Variants in CDH18 observed in about 807,000 individuals in gnomAD.
CDH18 encodes the protein cadherin-18.
In CDH18, 31 loss-of-function variants were observed where a neutral mutation model predicts 67.9. The ratio of observed to expected loss-of-function variants is 0.46; its 90% CI spans 0.34 to 0.62. CDH18 has a LOEUF of 0.62. Ranked by LOEUF, CDH18 falls within the 20% of genes least tolerant of loss-of-function variation. CDH18 has a pLI of 0.01. For missense variants in CDH18, 890 were observed against 975.5 expected, an observed-to-expected ratio of 0.91 and a Z score of 1.17; for synonymous variants, 362 against 347.2, an observed-to-expected ratio of 1.04 and a Z score of -0.48.
At chr5:19,752,104 T>C (rs755040674) in intron 3 of CDH18, among the ~76,000 whole-genome samples, 6 of 152,098 alleles carry the variant, frequency 3.9e-5, no homozygotes, top group Non-Finnish European at 1.5e-5. Context: ...GAGAATATTC[T>C]GATCTTACCT....
rs576273470 is a variant in CDH18, at chr5:19,471,944, C to T, written c.*1282G>A. ...ATTTTACAGATGCTCATTTAATCCTCACAACAACCCTGTGAGGTGGGCAGG... is the reference window on the plus strand; with the variant it reads ...ATTTTACAGATGCTCATTTAATCCTTACAACAACCCTGTGAGGTGGGCAGG... On this transcript the variant is annotated 3_prime_UTR_variant, in exon 13 of 13. Coordinates refer to ENST00000382275, the MANE Select transcript of CDH18 (RefSeq NM_004934.5). Among the ~76,000 whole-genome samples the T allele has an allele frequency of 1.2e-4, 19 of 152,282 alleles. 1 individual carries two copies. The South Asian group carries it at 3.7e-3, about 30-fold the overall frequency.
chr5:20,179,335 A>G (rs1386266315), intron 2 of CDH18, among the ~76,000 whole-genome samples: 1 of 152,160 alleles, frequency 6.6e-6, no homozygotes, highest in African/African-American at 2.4e-5. Flanking sequence ...CTTACCTGAC[A>G]TTAAGAATAC....
chr5:20,186,284 T>C (rs1335792635), intron 2 of CDH18, among the ~76,000 whole-genome samples: 1 of 151,554 alleles, frequency 6.6e-6, no homozygotes, highest in Non-Finnish European at 1.5e-5. Context: ...CAAGAAAAAA[T>C]AAAGAAGTTA....
At chr5:20,351,604 A>G (rs1741191663) in intron 1 of CDH18, among the ~76,000 whole-genome samples, 1 of 140,976 alleles carries the variant, frequency 7.1e-6, no homozygotes, top group Admixed American at 7.1e-5. Flanking sequence ...TTTTTTTTGG[A>G]CCAGCTGATG....
At chr5:19,784,383 A>C (rs2149791229) in intron 3 of CDH18, among the ~76,000 whole-genome samples, 1 of 152,320 alleles carries the variant, frequency 6.6e-6, no homozygotes, top group South Asian at 2.1e-4. Flanking sequence ...AGTTAACACT[A>C]TCTTTCCGAT....
intron 1 of CDH18, among the ~76,000 whole-genome samples, chr5:20,289,598 G>A (rs1377944031): frequency 6.6e-6 from 1 of 151,894 alleles, no homozygotes; most frequent in East Asian, 1.9e-4. Context: ...CTTTCTTAAT[G>A]AATCTCAGTT....
rs114335162 is a variant in CDH18, at chr5:19,648,735, G to A, written c.644-36134C>T. Among the ~76,000 whole-genome samples the A allele has an allele frequency of 6.3e-3, 959 of 151,652 alleles. 9 individuals are homozygous for A. Among genetic ancestry groups the A allele is most frequent in the African/African-American group, 0.022 (920 of 41,330 alleles). ...CAATGAATCAAAAAAGCTTAGCTTC[G>A]AACCAATATTATAATACTTTTATTT... On this transcript the variant is annotated intron_variant, in intron 5 of 12. Coordinates refer to ENST00000382275, the MANE Select transcript of CDH18 (RefSeq NM_004934.5).
intron 1 of CDH18, among the ~76,000 whole-genome samples, chr5:20,272,554 T>C (rs1051283436): frequency 2.6e-5 from 4 of 152,024 alleles, no homozygotes; most frequent in Admixed American, 2.6e-4. Flanking sequence ...GTTCCTGTTT[T>C]TTTTGGAGTG....
intron 2 of CDH18, among the ~76,000 whole-genome samples, chr5:20,203,459 T>A (rs537220952): frequency 6.6e-6 from 1 of 152,208 alleles, no homozygotes; most frequent in South Asian, 2.1e-4. Flanking sequence ...CCAATATATT[T>A]CCTTTGGGAC....
intron 2 of CDH18, among the ~76,000 whole-genome samples, chr5:20,097,557 T>A (rs144270451): frequency 9.4e-4 from 143 of 152,238 alleles, no homozygotes; most frequent in African/African-American, 3.3e-3. Context: ...CCAGGTAAGA[T>A]TTGGGTGGAG....
At chr5:20,467,066 A>G (rs1276547047) in intron 1 of CDH18, among the ~76,000 whole-genome samples, 1 of 151,210 alleles carries the variant, frequency 6.6e-6, no homozygotes, top group East Asian at 1.9e-4. Context: ...GTAGATCAAA[A>G]TAAATGAAAA....
intron 2 of CDH18, among the ~76,000 whole-genome samples, chr5:20,242,869 A>G (rs1743096513): frequency 6.6e-6 from 1 of 151,792 alleles, no homozygotes; most frequent in Admixed American, 6.6e-5. Flanking sequence ...AACTGAAACC[A>G]TTCTACTTTG....
intron 2 of CDH18, among the ~76,000 whole-genome samples, chr5:19,928,829 A>G (rs191402713): frequency 1.3e-5 from 2 of 152,186 alleles, no homozygotes; most frequent in East Asian, 1.9e-4. Context: ...AGCTCTTCAC[A>G]TATGTTATCT....
At chr5:20,443,161 G>A (rs952550603) in intron 1 of CDH18, among the ~76,000 whole-genome samples, 7 of 124,074 alleles carry the variant, frequency 5.6e-5, no homozygotes, top group African/African-American at 1.6e-4. Flanking sequence ...AGTGAGCCGA[G>A]ATCCCGCCAC....
chr5:20,340,920 G>A (rs1157977867), intron 1 of CDH18, among the ~76,000 whole-genome samples: 1 of 152,034 alleles, frequency 6.6e-6, no homozygotes, highest in Non-Finnish European at 1.5e-5. Flanking sequence ...TGCTTTGCTA[G>A]GTAGGGATCT....
intron 2 of CDH18, among the ~76,000 whole-genome samples, chr5:20,026,181 C>G (rs1458098328): frequency 6.6e-6 from 1 of 152,086 alleles, no homozygotes; most frequent in Non-Finnish European, 1.5e-5. Context: ...CATTGCCTTT[C>G]TGTTACAGGA....
In CDH18 at chr5:19,571,715, T is replaced by C; in HGVS notation, c.1117A>G (p.Ile373Val). The change falls in exon 8 of 13, where the codon ATT becomes GTT. Residue 373 changes from isoleucine (I) to valine (V), a missense_variant. This residue lies in a region of CDH18 where 656 missense variants were observed against 668.1 expected (regional missense o/e 0.98). Transcript: ENST00000382275. ...GGTGGTTCATCTACATCCCCAACAA[T>C]GATCTTCAGCATAGTAGCATCTTTA... ...PFKDATMLKI[I>V]VGDVDEPPLF... 1 of 1,613,920 alleles carries C rather than the reference T, an allele frequency of 6.2e-7. No homozygotes were observed. Among genetic ancestry groups the C allele is most frequent in the Non-Finnish European group, 8.5e-7 (1 of 1,179,930 alleles).
At chr5:19,517,839 T>G (rs1746275688) in intron 10 of CDH18, among the ~76,000 whole-genome samples, 1 of 152,038 alleles carries the variant, frequency 6.6e-6, no homozygotes, top group South Asian at 2.1e-4. Flanking sequence ...TTATTTATAT[T>G]TTCTTTTTCT....
At chr5:19,915,407 T>G (rs1791650505) in intron 2 of CDH18, among the ~76,000 whole-genome samples, 1 of 152,130 alleles carries the variant, frequency 6.6e-6, no homozygotes, top group African/African-American at 2.4e-5. Flanking sequence ...TACTATAACT[T>G]TTGACTTTCC....
Sources: allele counts gnomAD v4.1 joint callset (sites outside exome capture counted in the v4.1 genomes callset), GRCh38; gene constraint gnomAD v4.1.1; regional missense constraint gnomAD v4.1.1; transcripts MANE v1.5; gene names NCBI Gene and HGNC (gene_info 2026-07-23, HGNC 2026-07-21).